BTK: variants seen among roughly 807,000 people sequenced by gnomAD.
BTK encodes tyrosine-protein kinase BTK.
In BTK, 5 loss-of-function variants were observed where a neutral mutation model predicts 57.4. The observed-to-expected ratio is 0.09, with a 90% CI of 0.05 to 0.18. BTK has a LOEUF of 0.18. Ranked by LOEUF, BTK falls within the 10% of genes least tolerant of loss-of-function variation. The pLI is 1.00. For missense variants in BTK, 194 were observed against 501.2 expected, an observed-to-expected ratio of 0.39 and a Z score of 5.85; for synonymous variants, 154 against 174.3, an observed-to-expected ratio of 0.88 and a Z score of 0.92.
intron 5 of BTK, among the ~76,000 whole-genome samples, chrX:101,367,900 T>G (rs1230421083): frequency 9.0e-6 from 1 of 111,647 alleles, no homozygotes; most frequent in Non-Finnish European, 1.9e-5. Flanking sequence ...ACACAACTAC[T>G]GATCCCTTTC....
At chrX:101,353,620 T>G (rs1415870880) in intron 17 of BTK, among the ~76,000 whole-genome samples, 1 of 111,977 alleles carries the variant, frequency 8.9e-6, no homozygotes, top group Non-Finnish European at 1.9e-5. Context: ...TAATCAGTAT[T>G]CAGAAGCTGT....
chrX:101,381,427 A>C (rs538478243), intron 1 of BTK, among the ~76,000 whole-genome samples: 5 of 111,805 alleles, frequency 4.5e-5, no homozygotes, highest in Non-Finnish European at 9.4e-5. Flanking sequence ...ATTATCAACT[A>C]TCTCTAGTGG....
intron 1 of BTK, among the ~76,000 whole-genome samples, chrX:101,377,708 T>C (rs1047666919): frequency 1.8e-5 from 2 of 111,444 alleles, no homozygotes; most frequent in African/African-American, 6.5e-5. Context: ...CTCAAGTATC[T>C]GTGTTTGGGC....
At chrX:101,359,774 G>T (rs782685616) in intron 9 of BTK, among the ~76,000 whole-genome samples, 3 of 108,737 alleles carry the variant, frequency 2.8e-5, no homozygotes, top group African/African-American at 1.0e-4. Context: ...GGGGGTAAAG[G>T]TAAGACAGAT....
upstream of BTK, among the ~76,000 whole-genome samples, chrX:101,389,804 T>C (rs1927727883): frequency 8.9e-6 from 1 of 111,946 alleles, no homozygotes; most frequent in African/African-American, 3.3e-5. Flanking sequence ...CTGTGTGACT[T>C]CAGGTAAGTA....
chrX:101,352,803 G>T (rs1156861510), intron 18 of BTK, among the ~76,000 whole-genome samples: 1 of 110,093 alleles, frequency 9.1e-6, no homozygotes, highest in African/African-American at 3.3e-5. Flanking sequence ...GGAGGCTAAG[G>T]CAGGAGAATC....
intron 1 of BTK, among the ~76,000 whole-genome samples, chrX:101,381,814 G>A (rs191821646): frequency 3.6e-5 from 4 of 110,542 alleles, no homozygotes; most frequent in Admixed American, 9.7e-5. Flanking sequence ...TGGATGGCAA[G>A]GTCAGGAGTT....
chrX:101,376,705 A>G (rs1289317042), intron 1 of BTK, among the ~76,000 whole-genome samples: 3 of 108,886 alleles, frequency 2.8e-5, no homozygotes, highest in African/African-American at 1.0e-4. Context: ...ATTCAAGTTT[A>G]ATTAGTGGTA....
chrX:101,377,600 C>T lies in BTK; in HGVS notation c.-30-2286G>A, dbSNP rs1435779976. The stretch of plus-strand genomic sequence containing the variant: ...CCATCTGTTTCATTCTTGTCCCCTG[C>T]TCTTACTTCCTATAAGACAGGTCCT... On this transcript the variant is annotated intron_variant, in intron 1 of 18. Coordinates refer to ENST00000308731, the MANE Select transcript of BTK (RefSeq NM_000061.3). Among the ~76,000 whole-genome samples, 10 of 111,180 alleles carry T rather than the reference C, an allele frequency of 9.0e-5. No individual in the cohort carries two copies. In the East Asian group the frequency reaches 2.5e-3, roughly 28 times the overall value.
chrX:101,386,688 T>C (rs781962605), upstream of BTK, among the ~76,000 whole-genome samples: 12 of 110,885 alleles, frequency 1.1e-4, no homozygotes, highest in Non-Finnish European at 1.9e-4. Flanking sequence ...AAGACAGAGG[T>C]AGAGACAAGA....
At chrX:101,355,874 G>C in intron 15 of BTK, 178 bp downstream of exon 15, 1 of 514,420 alleles carries the variant, frequency 1.9e-6, no homozygotes, top group South Asian at 2.7e-5. Flanking sequence ...TGGAGCTGAG[G>C]CTGGAGATAT....
chrX:101,390,412 T>C (rs782378836), upstream of BTK: 19 of 503,272 alleles, frequency 3.8e-5, no homozygotes, highest in Admixed American at 3.8e-4. Flanking sequence ...ATGCCAATCA[T>C]TGTTCCTTTT....
At chrX:101,353,587 G>C (rs1309563872) in intron 17 of BTK, among the ~76,000 whole-genome samples, 1 of 111,202 alleles carries the variant, frequency 9.0e-6, no homozygotes, top group Non-Finnish European at 1.9e-5. Context: ...GCAGTTATAG[G>C]GTCTGGCAGA....
At chrX:101,368,455 C>T (rs1555979808) in intron 5 of BTK, among the ~76,000 whole-genome samples, 2 of 112,126 alleles carry the variant, frequency 1.8e-5, no homozygotes, top group African/African-American at 6.5e-5. Flanking sequence ...TGGAGTCATA[C>T]AGACACAGGG....
rs1018011518 is a variant in BTK, at chrX:101,370,908, C to G, written c.309+725G>C. Among the ~76,000 whole-genome samples the G allele has an allele frequency of 3.1e-4, 35 of 112,553 alleles. 1 individual carries two copies. Among genetic ancestry groups the G allele is most frequent in the Non-Finnish European group, 1.1e-4 (6 of 53,351 alleles). On this transcript the variant is annotated intron_variant, in intron 4 of 18. Transcript: ENST00000308731. ...AACTGTGTCTGAAATACCCCTCTTT[C>G]AAAGGTTTCGTAAATTTGATATAGT...
chrX:101,358,054 C>G (rs1250653868), intron 12 of BTK: 7 of 477,899 alleles, frequency 1.5e-5, no homozygotes, highest in African/African-American at 1.4e-4. Flanking sequence ...TGAATACTTG[C>G]TGATGAATCA....
intron 3 of BTK, among the ~76,000 whole-genome samples, chrX:101,373,005 A>C (rs1927084184): frequency 9.2e-6 from 1 of 108,323 alleles, no homozygotes; most frequent in Non-Finnish European, 1.9e-5. Context: ...AATCACTTGA[A>C]CCGGAGGCAG....
rs2147428951 is a variant in BTK at position 101,357,516 on chromosome X, C to G, written c.1170G>C (p.Leu390=). 1 of 1,210,207 alleles carries G rather than the reference C, an allele frequency of 8.3e-7. No homozygotes were observed. The highest frequency in any genetic ancestry group is 1.1e-6 in the Non-Finnish European group (1 of 894,409). ...QNKNAPSTAG[L]GYGSWEIDPK... Reference sequence around the variant, plus strand: ...AGAGAAATAAGGAGTTACCGTATCCCAGGCCTGCAGTGGAAGGTGCATTCT... The same window carrying G: ...AGAGAAATAAGGAGTTACCGTATCCGAGGCCTGCAGTGGAAGGTGCATTCT... The change falls in exon 13 of 19, where the codon CTG becomes CTC. Residue 390 remains leucine, a synonymous_variant. Transcript: ENST00000308731.
intron 1 of BTK, among the ~76,000 whole-genome samples, chrX:101,383,435 C>T (rs890915139): frequency 9.8e-5 from 11 of 111,843 alleles, no homozygotes; most frequent in African/African-American, 3.6e-4. Context: ...GTCCCAATTT[C>T]AGTTCCAAAT....
Sources: gnomAD v4.1 joint callset for allele counts (sites outside exome capture counted in the v4.1 genomes callset) on GRCh38, gnomAD v4.1.1 for gene constraint, MANE v1.5 for transcripts, NCBI Gene and HGNC (gene_info 2026-07-23, HGNC 2026-07-21) for gene names.